The following ANK1 variants were observed in gnomAD, a reference collection of about 807,000 sequenced individuals.
ANK1 encodes the protein ankyrin 1.
In ANK1, 51 loss-of-function variants were observed where a neutral mutation model predicts 210.4. The observed-to-expected ratio is 0.24, with a 90% CI of 0.19 to 0.31. ANK1 has a LOEUF of 0.31. ANK1 is among the 10% of genes least tolerant of loss of function. The pLI is 1.00. For missense variants in ANK1, 2,051 were observed against 2,504.4 expected, an observed-to-expected ratio of 0.82 and a Z score of 3.86; for synonymous variants, 967 against 1,025.9, an observed-to-expected ratio of 0.94 and a Z score of 1.10.
chr8:41,796,147 C>A (rs1430357984), intron 1 of ANK1, among the ~76,000 whole-genome samples: 1 of 152,128 alleles, frequency 6.6e-6, no homozygotes, highest in African/African-American at 2.4e-5. Context: ...AGCCTCTGTC[C>A]CCTTTGCTAA....
intron 1 of ANK1, among the ~76,000 whole-genome samples, chr8:41,839,748 A>G (rs1333911121): frequency 1.3e-5 from 2 of 152,198 alleles, no homozygotes; most frequent in African/African-American, 2.4e-5. Flanking sequence ...AATCTGAGAC[A>G]CCGTCACAGC....
At chr8:41,810,580 A>C (rs915870175) in intron 1 of ANK1, among the ~76,000 whole-genome samples, 2 of 152,238 alleles carry the variant, frequency 1.3e-5, no homozygotes, top group Non-Finnish European at 2.9e-5. Flanking sequence ...CTGCAGGTCC[A>C]TCGGGCCACA....
chr8:41,803,191 GAGA>G (rs1850435931), intron 1 of ANK1, among the ~76,000 whole-genome samples: 1 of 150,188 alleles, frequency 6.7e-6, no homozygotes, highest in Non-Finnish European at 1.5e-5. Context: ...GAGAGAGAGA[GAGA>G]AAAAAAAAGC....
chr8:41,697,735 A>T (rs1308946617), intron 24 of ANK1: 1 of 453,486 alleles, frequency 2.2e-6, no homozygotes, highest in African/African-American at 2.0e-5. Flanking sequence ...ACCCTAGGCC[A>T]AGAGTTGAAG....
intron 16 of ANK1, 29 bp from the exon 17 acceptor site, chr8:41,709,004 G>C: frequency 6.2e-7 from 1 of 1,612,700 alleles, no homozygotes; most frequent in Non-Finnish European, 8.5e-7. Context: ...CCCAGAGCCT[G>C]GTTACAGGAA....
intron 1 of ANK1, among the ~76,000 whole-genome samples, chr8:41,866,234 T>G (rs568656568): frequency 4.6e-5 from 7 of 152,242 alleles, no homozygotes; most frequent in Non-Finnish European, 8.8e-5. Flanking sequence ...CTGTTACCCA[T>G]GCTGAAGTGC....
chr8:41,686,048 C>T (rs1817605907), intron 36 of ANK1, 104 bp downstream of exon 36: 2 of 1,557,594 alleles, frequency 1.3e-6, no homozygotes, highest in South Asian at 1.1e-5. Flanking sequence ...GAGACAGAGA[C>T]AGACTGACTC....
intron 2 of ANK1, among the ~76,000 whole-genome samples, chr8:41,752,124 C>T (rs1837854850): frequency 6.6e-6 from 1 of 152,188 alleles, no homozygotes; most frequent in Non-Finnish European, 1.5e-5. Flanking sequence ...AGAGAGCCCT[C>T]CCAACCACCC....
chr8:41,850,029 C>T (rs1312079751), intron 1 of ANK1, among the ~76,000 whole-genome samples: 1 of 152,152 alleles, frequency 6.6e-6, no homozygotes, highest in Non-Finnish European at 1.5e-5. Flanking sequence ...CTGCAGCCTC[C>T]CCACAGCCCT....
rs1257629388 is a variant in ANK1 at position 41,797,192 on chromosome 8, A to T, written c.27+320T>A. Among the ~76,000 whole-genome samples the T allele has an allele frequency of 1.3e-5, 2 of 152,188 alleles. No individual in the cohort carries two copies. The highest frequency in any genetic ancestry group is 2.9e-5 in the Non-Finnish European group (2 of 68,020). On this transcript the variant is annotated intron_variant, in intron 1 of 42. Transcript: ENST00000289734. The surrounding 1 kb of genome is among the most constrained non-coding windows in gnomAD (Gnocchi z 4.0). Reference sequence around the variant, plus strand: ...GCCTCTAAGATCTCAATAGATTTGGACTATAATCCAAAAACCATCCCTCCC... The same window carrying T: ...GCCTCTAAGATCTCAATAGATTTGGTCTATAATCCAAAAACCATCCCTCCC...
At chr8:41,786,356 A>G (rs1846399156) in intron 1 of ANK1, among the ~76,000 whole-genome samples, 1 of 152,250 alleles carries the variant, frequency 6.6e-6, no homozygotes, top group Admixed American at 6.5e-5. Context: ...GGCTCCACCC[A>G]GGTCACAGTC....
At position 41,732,608 on chromosome 8, in the gene ANK1, TCGCCATG is replaced by T. The variant is rs1832461914; in HGVS notation, c.228+1356_228+1362del. Among the ~76,000 whole-genome samples, 5 of 152,200 alleles carry T rather than the reference TCGCCATG, an allele frequency of 3.3e-5. No homozygotes were observed. In the South Asian group the frequency reaches 6.2e-4, roughly 19 times the overall value. On this transcript the variant is annotated intron_variant, in intron 3 of 42. Transcript: ENST00000289734. ...TTGTATGTTTAGTAAAGATGGGGTT[TCGCCATG>T]TTGGCTGGGCTGGTTTCGAACTCCT...
chr8:41,686,956 T>G (rs535239422), intron 35 of ANK1, among the ~76,000 whole-genome samples: 4 of 151,980 alleles, frequency 2.6e-5, no homozygotes, highest in Non-Finnish European at 5.9e-5. Flanking sequence ...AACACGCACA[T>G]ACAACACAAA....
Position 41,803,545 on chromosome 8 carries a change from C to T in ANK1, c.127-45408G>A, listed in dbSNP as rs193179893. 9.2e-5 allele frequency: 14 copies of T among 151,964 alleles called. No individual in the cohort carries two copies. In the East Asian group the frequency reaches 2.7e-3, roughly 29 times the overall value. 9.4% of individuals were successfully genotyped at this position (151,964 alleles called of 1,614,324 possible). ...GTTCTCTTCTTTTACAGTTTTTGCA[C>T]CCCTTCTTTGCTTTTCTTGCTCTAT... is the stretch of plus-strand genomic sequence containing the variant. On this transcript the variant is annotated intron_variant, in intron 1 of 42. Coordinates refer to the ANK1 transcript ENST00000265709.
At chr8:41,663,114 C>CTCTCTG (rs1554517870) in intron 40 of ANK1, among the ~76,000 whole-genome samples, 32,012 of 144,820 alleles carry the variant, frequency 0.22, 3,582 homozygotes, top group South Asian at 0.28. Flanking sequence ...CTCTCTCTCT[C>CTCTCTG]TGTGTGTGTG....
intron 1 of ANK1, among the ~76,000 whole-genome samples, chr8:41,830,788 T>C (rs1343946773): frequency 2.0e-5 from 3 of 152,124 alleles, no homozygotes; most frequent in Admixed American, 6.5e-5. Flanking sequence ...AGAAGAATAA[T>C]TTGGTAGATG....
At position 41,695,207 on chromosome 8, in the gene ANK1, G is replaced by T; in HGVS notation, c.3085C>A (p.Leu1029Met). Reference protein sequence around the residue: ...EHRSRYGESYLDQILNGMDEE... With the variant: ...EHRSRYGESYMDQILNGMDEE... ...TCCATCCCGTTGAGGATCTGATCCAGGTAGCTCTCTCCATAGCGGCTCCTG... is the reference window on the plus strand; with the variant it reads ...TCCATCCCGTTGAGGATCTGATCCATGTAGCTCTCTCCATAGCGGCTCCTG... Residue 1029 changes from leucine (L) to methionine (M), a missense_variant, in exon 27 of 43, where the codon CTG (leucine) becomes ATG (methionine). Leu to Met is a conservative substitution (Grantham distance 15). Transcript: ENST00000289734. The T allele has an allele frequency of 6.2e-7, 1 of 1,614,192 alleles. No homozygotes were observed. Among genetic ancestry groups the T allele is most frequent in the Non-Finnish European group, 8.5e-7 (1 of 1,180,034 alleles).
In ANK1 at chr8:41,668,253, C is replaced by T; in HGVS notation, c.5394+14G>A. 1 of 1,614,184 alleles carries T rather than the reference C, an allele frequency of 6.2e-7. No homozygotes were observed. The highest frequency in any genetic ancestry group is 8.5e-7 in the Non-Finnish European group (1 of 1,180,022). ...GGAAGGAACAGCAGCACGCAGCTCC[C>T]CTCGGGCTCTCACCTGCACCACTTG... On this transcript the variant is annotated intron_variant, in intron 39 of 42. Coordinates refer to ENST00000289734, the MANE Select transcript of ANK1 (RefSeq NM_000037.4).
rs369789514 is a variant in ANK1, at chr8:41,725,959, G to A, written c.427-13C>T. 6.2e-7 allele frequency: 1 copy of A among 1,612,416 alleles called. No individual in the cohort carries two copies. The highest frequency in any genetic ancestry group is 2.2e-5 in the East Asian group (1 of 44,850). ...GCGTGAAGCCGTCCTGGCCAGAGGA[G>A]GAAAATGCTTTGCTCTGACTCGTCT... On this transcript the variant is annotated splice_polypyrimidine_tract_variant and intron_variant, in intron 5 of 42. Coordinates refer to ENST00000289734, the MANE Select transcript of ANK1 (RefSeq NM_000037.4).
Sources: allele counts gnomAD v4.1 joint callset (sites outside exome capture counted in the v4.1 genomes callset), GRCh38; gene constraint gnomAD v4.1.1; non-coding constraint Gnocchi (gnomAD v3.1); transcripts MANE v1.5; gene names NCBI Gene and HGNC (gene_info 2026-07-23, HGNC 2026-07-21).